Variants in RERG observed in about 807,000 individuals in gnomAD.
RERG encodes the protein RAS like estrogen regulated growth inhibitor, also known as ras-related and estrogen-regulated growth inhibitor.
Under a neutral mutation model 23.2 loss-of-function variants are expected in RERG, and 25 were observed. That is an observed-to-expected ratio of 1.08 (90% confidence interval 0.79 to 1.50). The LOEUF (loss-of-function observed/expected upper bound fraction) is 1.50, where lower values mean the gene tolerates loss of function less well. Among genes scored for constraint, RERG ranks in the 40% most tolerant of loss-of-function variants. The probability of loss-of-function intolerance (pLI) is 0.00; values close to 1 mark genes in which losing one functional copy is unlikely to be tolerated. For synonymous variants in RERG, 81 were observed against 89.1 expected (o/e 0.91, Z 0.51); for missense variants, 253 against 250.1 (o/e 1.01, Z -0.08).
intron 3 of RERG, among the ~76,000 whole-genome samples, chr12:15,115,946 G>A (rs374106732): frequency 5.3e-5 from 8 of 152,022 alleles, no homozygotes; most frequent in African/African-American, 1.9e-4. Context: ...TTAAAAATTA[G>A]ATTATGTTCA....
In RERG at chr12:15,210,035, T is replaced by C. The variant is rs114379652; in HGVS notation, c.61+7394A>G. On this transcript the variant is annotated intron_variant, in intron 2 of 4. Transcript: ENST00000256953. The stretch of plus-strand genomic sequence containing the variant: ...CTCATTTTTCATGGGATGGAAGAAA[T>C]TATGTGTTTTTCTGAAACCACATCA... Among the ~76,000 whole-genome samples, 1,136 of 152,304 alleles carry C rather than the reference T, an allele frequency of 7.5e-3. 8 individuals carry two copies. The highest frequency in any genetic ancestry group is 0.025 in the African/African-American group (1,045 of 41,550).
At chr12:15,194,945 T>C (rs1370398278) in intron 2 of RERG, among the ~76,000 whole-genome samples, 1 of 152,138 alleles carries the variant, frequency 6.6e-6, no homozygotes, top group African/African-American at 2.4e-5. Context: ...GATTCAGTCC[T>C]TTATAGCCAT....
chr12:15,205,984 G>A (rs1451600464), intron 2 of RERG, among the ~76,000 whole-genome samples: 1 of 152,024 alleles, frequency 6.6e-6, no homozygotes, highest in Non-Finnish European at 1.5e-5. Flanking sequence ...GGAGCGAGGT[G>A]TCAATAACTC....
At chr12:15,143,328 GTAAATATATACA>G (rs1864270115) in intron 2 of RERG, among the ~76,000 whole-genome samples, 1 of 19,706 alleles carries the variant, frequency 5.1e-5, no homozygotes, top group African/African-American at 1.4e-4. Context: ...ACGTGTGTAT[GTAAATATATACA>G]TACACACATG....
At chr12:15,213,335 G>T (rs1305327005) in intron 2 of RERG, among the ~76,000 whole-genome samples, 2 of 152,162 alleles carry the variant, frequency 1.3e-5, no homozygotes, top group Non-Finnish European at 2.9e-5. Flanking sequence ...TAATTACTTG[G>T]AGCTTGTCAA....
At chr12:15,154,572 G>T (rs1215749499) in intron 2 of RERG, among the ~76,000 whole-genome samples, 1 of 152,184 alleles carries the variant, frequency 6.6e-6, no homozygotes, top group Non-Finnish European at 1.5e-5. Flanking sequence ...TGAGAAATTT[G>T]CAGAATGGGA....
intron 2 of RERG, among the ~76,000 whole-genome samples, chr12:15,175,333 CTGTGTGTGTGTGTGTGTGTGTGTGTGTG>C (rs532399275): frequency 8.9e-6 from 1 of 112,178 alleles, no homozygotes; most frequent in Non-Finnish European, 1.8e-5. Context: ...CTCTCAGGCT[CTGTGTGTGTGTGTGTGTGTGTGTGTGTG>C]TGTGTGTGTG....
intron 3 of RERG, chr12:15,112,228 A>G (rs2136082894): frequency 6.6e-6 from 1 of 152,364 alleles, no homozygotes; most frequent in South Asian, 2.1e-4. Context: ...CAGGAAGTGA[A>G]TGGTTCTTGC....
chr12:15,186,832 G>T (rs1864999688), intron 2 of RERG, among the ~76,000 whole-genome samples: 1 of 152,150 alleles, frequency 6.6e-6, no homozygotes. Flanking sequence ...TGGAGCAGCT[G>T]GGAAGAGTCG....
chr12:15,122,777 A>G (rs1432351657), intron 2 of RERG, among the ~76,000 whole-genome samples: 1 of 151,230 alleles, frequency 6.6e-6, no homozygotes, highest in Non-Finnish European at 1.5e-5. Context: ...CTTTTGTTAG[A>G]CTACGTAGTT....
At chr12:15,113,121 T>C (rs751817210) in intron 3 of RERG, among the ~76,000 whole-genome samples, 3 of 152,154 alleles carry the variant, frequency 2.0e-5, no homozygotes, top group Non-Finnish European at 4.4e-5. Flanking sequence ...GATGATTCTA[T>C]CAGTATATCA....
At chr12:15,120,247 A>C (rs1863806621) in intron 3 of RERG, among the ~76,000 whole-genome samples, 1 of 152,084 alleles carries the variant, frequency 6.6e-6, no homozygotes, top group African/African-American at 2.4e-5. Context: ...CCTTCACAGA[A>C]CTTATCGCTA....
chr12:15,155,965 T>G (rs996218518), intron 2 of RERG, among the ~76,000 whole-genome samples: 25 of 149,850 alleles, frequency 1.7e-4, no homozygotes, highest in East Asian at 5.9e-4. Flanking sequence ...CTGCACAAAG[T>G]GCACATGTAC....
intron 3 of RERG, among the ~76,000 whole-genome samples, chr12:15,113,183 T>C (rs1431756744): frequency 6.6e-6 from 1 of 152,174 alleles, no homozygotes; most frequent in African/African-American, 2.4e-5. Context: ...ACTAATGTAC[T>C]TGTCTGATTC....
intron 4 of RERG, among the ~76,000 whole-genome samples, chr12:15,109,970 GGTTT>G (rs1020483639): frequency 2.5e-4 from 38 of 152,134 alleles, no homozygotes; most frequent in African/African-American, 8.7e-4. Flanking sequence ...TTATTTTTTT[GGTTT>G]GTTGTTTGTT....
chr12:15,218,617 C>T (rs187808817), intron 1 of RERG, among the ~76,000 whole-genome samples: 320 of 152,122 alleles, frequency 2.1e-3, no homozygotes, highest in African/African-American at 7.3e-3. Flanking sequence ...TAAACTGTCT[C>T]CCTGCGGCTT....
At chr12:15,148,116 T>C (rs749739118) in intron 2 of RERG, among the ~76,000 whole-genome samples, 7 of 152,162 alleles carry the variant, frequency 4.6e-5, no homozygotes, top group Non-Finnish European at 8.8e-5. Context: ...ATTATATCCT[T>C]ATAGCCCAGG....
intron 2 of RERG, among the ~76,000 whole-genome samples, chr12:15,153,320 TTA>T (rs1864473081): frequency 6.6e-6 from 1 of 152,190 alleles, no homozygotes; most frequent in South Asian, 2.1e-4. Context: ...ATTGTGAAGA[TTA>T]CTGTTCTGGA....
chr12:15,117,673 G>GCGCACACA (rs1227826783), intron 3 of RERG, among the ~76,000 whole-genome samples: 2 of 71,498 alleles, frequency 2.8e-5, no homozygotes, highest in East Asian at 7.3e-4. Flanking sequence ...CATCACACAC[G>GCGCACACA]CGCACACACA....
Sources: gnomAD v4.1 joint callset for allele counts (sites outside exome capture counted in the v4.1 genomes callset) on GRCh38, gnomAD v4.1.1 for gene constraint, MANE v1.5 for transcripts, NCBI Gene and HGNC (gene_info 2026-07-23, HGNC 2026-07-21) for gene names.